The following CDC6 variants were observed in gnomAD, a reference collection of about 807,000 sequenced individuals.
CDC6 encodes cell division cycle 6, also known as DNA replication factor CDC6.
Under a neutral mutation model 60.2 loss-of-function variants are expected in CDC6, and 46 were observed. The ratio of observed to expected loss-of-function variants is 0.76; its 90% CI spans 0.60 to 0.98. The LOEUF is 0.98. Ranked by LOEUF, CDC6 falls within the 50% of genes least tolerant of loss-of-function variation. The pLI is 0.00. For missense variants in CDC6, 596 were observed against 652.9 expected (o/e 0.91, Z 0.95); for synonymous variants, 210 against 233.2 (o/e 0.90, Z 0.90).
At chr17:40,299,430 C>T (rs748961642) in intron 9 of CDC6, among the ~76,000 whole-genome samples, 2 of 152,032 alleles carry the variant, frequency 1.3e-5, no homozygotes, top group Admixed American at 6.6e-5. Context: ...CCTCCACCCT[C>T]CTATAGGCCC....
rs1016339210 is a variant in CDC6, at chr17:40,296,692, T to C, written c.1185-11T>C. ...CTCAGACTAAATTAATTTTAGAAATTTTTTTTATAGGAGAGCTATTGAAAT... is the reference window on the plus strand; with the variant it reads ...CTCAGACTAAATTAATTTTAGAAATCTTTTTTATAGGAGAGCTATTGAAAT... On this transcript the variant is annotated splice_polypyrimidine_tract_variant and intron_variant, in intron 8 of 11. Transcript: ENST00000209728. The C allele has an allele frequency of 1.3e-6, 2 of 1,561,070 alleles. No individual in the cohort carries two copies.
rs1156676024 is a variant in CDC6, at chr17:40,304,363, C to T, written c.*2362C>T. On this transcript the variant is annotated 3_prime_UTR_variant, in exon 12 of 12. Coordinates refer to ENST00000209728, the MANE Select transcript of CDC6 (RefSeq NM_001254.4). ...AGACTGCTGAGGAAGAAAGCCCTTT[C>T]CTTGCTGGCTTTTCTCCCTGAAGCT... is the stretch of plus-strand genomic sequence containing the variant. 1 of 152,216 alleles carries T rather than the reference C, an allele frequency of 6.6e-6. No individual in the cohort carries two copies. Among genetic ancestry groups the T allele is most frequent in the Non-Finnish European group, 1.5e-5 (1 of 68,028 alleles). 9.4% of individuals were successfully genotyped at this position (152,216 alleles called of 1,614,324 possible). A position where few individuals can be genotyped will look rare whatever the true frequency, so the allele number is the denominator to read the frequency against.
At chr17:40,294,899 A>G (rs1164205990) in intron 7 of CDC6, among the ~76,000 whole-genome samples, 2 of 151,826 alleles carry the variant, frequency 1.3e-5, no homozygotes, top group South Asian at 2.1e-4. Context: ...TAATTGTTGT[A>G]TTTTTAGTAG....
chr17:40,302,440 C>G lies in CDC6; in HGVS notation c.*439C>G, dbSNP rs377575671. The G allele has an allele frequency of 6.0e-6, 1 of 166,040 alleles. No individual in the cohort carries two copies. The highest frequency in any genetic ancestry group is 1.3e-5 in the Non-Finnish European group (1 of 76,564). The allele number at this position is 166,040 out of a possible 1,614,324, so 10.3% of individuals were successfully genotyped here. On this transcript the variant is annotated 3_prime_UTR_variant, in exon 12 of 12. Coordinates refer to ENST00000209728, the MANE Select transcript of CDC6 (RefSeq NM_001254.4). ...CGCGTTCTCTGCTCACTACAGCACC[C>G]GCTTCCCAGGTTGAAGTGATTCTCT...
chr17:40,290,321 TG>T (rs1488302510), intron 2 of CDC6, among the ~76,000 whole-genome samples: 1 of 152,166 alleles, frequency 6.6e-6, no homozygotes, highest in Non-Finnish European at 1.5e-5. Context: ...TATTTTTAAA[TG>T]GGGGGTAATT....
At chr17:40,293,158 C>T (rs748328465) in intron 4 of CDC6, among the ~76,000 whole-genome samples, 2 of 151,752 alleles carry the variant, frequency 1.3e-5, no homozygotes, top group African/African-American at 2.4e-5. Context: ...AGAATCACTT[C>T]AACCCGGGAG....
At chr17:40,300,775 C>T (rs2032928318) in intron 9 of CDC6, 53 bp from the exon 10 acceptor site, 4 of 1,291,624 alleles carry the variant, frequency 3.1e-6, no homozygotes, top group African/African-American at 2.9e-5. Flanking sequence ...ATCATACATA[C>T]ACACACACAG....
intron 9 of CDC6, among the ~76,000 whole-genome samples, chr17:40,299,242 G>C (rs1380081741): frequency 7.1e-6 from 1 of 140,462 alleles, no homozygotes; most frequent in African/African-American, 2.7e-5. Context: ...CCTCCTCCCA[G>C]GCTCAAGCCA....
intron 8 of CDC6, 195 bp downstream of exon 8, chr17:40,295,651 C>T: frequency 1.7e-6 from 1 of 596,910 alleles, no homozygotes; most frequent in South Asian, 2.0e-5. Flanking sequence ...ATTATCAGTC[C>T]ATTACCTACA....
intron 8 of CDC6, among the ~76,000 whole-genome samples, chr17:40,296,189 A>G (rs2032856523): frequency 6.6e-6 from 1 of 152,168 alleles, no homozygotes; most frequent in Non-Finnish European, 1.5e-5. Flanking sequence ...AAAGACTGCA[A>G]CTATGAGCAA....
rs1445347849 is a variant in CDC6 at position 40,291,222 on chromosome 17, G to T, written c.343G>T (p.Val115Phe). ...TCCTAGCAAAAGAGAACTAGCCAAA[G>T]TTCACCAAAACAAAATACTTTCTTC... The part of the protein sequence containing the change: ...KSPSKRELAK[V>F]HQNKILSSVR... The change falls in exon 3 of 12, where the codon GTT (valine) becomes TTT (phenylalanine). Residue 115 changes from valine to phenylalanine, a missense_variant. Transcript: ENST00000209728. 1 of 1,614,178 alleles carries T rather than the reference G, an allele frequency of 6.2e-7. No individual in the cohort carries two copies. The highest frequency in any genetic ancestry group is 2.2e-5 in the East Asian group (1 of 44,890).
chr17:40,298,494 G>A (rs1178945463), intron 9 of CDC6, among the ~76,000 whole-genome samples: 1 of 151,230 alleles, frequency 6.6e-6, no homozygotes, highest in African/African-American at 2.4e-5. Context: ...ATGGCTCACT[G>A]CAGCTGCAAC....
chr17:40,296,320 T>C (rs2032858497), intron 8 of CDC6, among the ~76,000 whole-genome samples: 2 of 152,128 alleles, frequency 1.3e-5, no homozygotes, highest in Admixed American at 1.3e-4. Flanking sequence ...TCACCCACAC[T>C]ACATATCCTC....
intron 7 of CDC6, among the ~76,000 whole-genome samples, chr17:40,294,738 T>C (rs2143089675): frequency 6.6e-6 from 1 of 152,164 alleles, no homozygotes; most frequent in South Asian, 2.1e-4. Flanking sequence ...TTTTTTTTTT[T>C]TTTTTAGATG....
intron 8 of CDC6, 185 bp downstream of exon 8, chr17:40,295,641 A>G: frequency 1.6e-6 from 1 of 607,960 alleles, no homozygotes; most frequent in Non-Finnish European, 2.9e-6. Flanking sequence ...TGTCTGAAAC[A>G]TTATCAGTCC....
rs1026488240 is a variant in CDC6 at position 40,291,871 on chromosome 17, G to A, written c.660+203G>A. Among the ~76,000 whole-genome samples, 7 of 152,086 alleles carry A rather than the reference G, an allele frequency of 4.6e-5. No homozygotes were observed. The highest frequency in any genetic ancestry group is 1.2e-4 in the African/African-American group (5 of 41,398). On this transcript the variant is annotated intron_variant, in intron 4 of 11. Coordinates refer to ENST00000209728, the MANE Select transcript of CDC6 (RefSeq NM_001254.4). ...CGCCATTCTCCTGCCTCAGCCTCCC[G>A]AGTAGCTGGGACTACAGGCGCCCGC...
At chr17:40,292,714 G>A (rs1161320581) in intron 4 of CDC6, among the ~76,000 whole-genome samples, 1 of 151,902 alleles carries the variant, frequency 6.6e-6, no homozygotes, top group African/African-American at 2.4e-5. Flanking sequence ...CGGATCATGA[G>A]GTTAGGAGAT....
rs1360824731 is a variant in CDC6 at position 40,291,165 on chromosome 17, T to C, written c.286T>C (p.Leu96=). The part of the protein sequence containing the change: ...PHSHTLKGRR[L]VFDNQLTIKS... Reference sequence around the variant, plus strand: ...CTCACATACACTTAAGGGACGAAGATTGGTATTTGACAATCAGCTGACAAT... The same window carrying C: ...CTCACATACACTTAAGGGACGAAGACTGGTATTTGACAATCAGCTGACAAT... The change falls in exon 3 of 12, where the codon TTG becomes CTG. Residue 96 remains leucine (L), a synonymous_variant. Transcript: ENST00000209728. The C allele has an allele frequency of 1.2e-6, 2 of 1,614,020 alleles. No homozygotes were observed. Among genetic ancestry groups the C allele is most frequent in the East Asian group, 2.2e-5 (1 of 44,894 alleles).
At chr17:40,293,785 A>G (rs1274103158) in intron 5 of CDC6, among the ~76,000 whole-genome samples, 154 bp downstream of exon 5, 1 of 152,226 alleles carries the variant, frequency 6.6e-6, no homozygotes, top group Non-Finnish European at 1.5e-5. Context: ...AAATTGGATT[A>G]CTTATAGATG....
Sources: allele counts gnomAD v4.1 joint callset (sites outside exome capture counted in the v4.1 genomes callset), GRCh38; gene constraint gnomAD v4.1.1; transcripts MANE v1.5; gene names NCBI Gene and HGNC (gene_info 2026-07-23, HGNC 2026-07-21).